The following PTPRK variants were observed in gnomAD, a reference collection of about 807,000 sequenced individuals.
PTPRK encodes receptor-type tyrosine-protein phosphatase kappa.
PTPRK carries 75 observed loss-of-function variants against 178.0 expected under a neutral mutation model. The ratio of observed to expected loss-of-function variants is 0.42; its 90% CI spans 0.35 to 0.51. The LOEUF is 0.51. Among genes scored for constraint, PTPRK ranks in the 20% least tolerant of loss-of-function variants. The pLI, the probability that PTPRK is intolerant of heterozygous loss-of-function variation, is 0.02. For missense variants in PTPRK, 1,441 were observed against 1,797.8 expected (o/e 0.80, Z 3.59); for synonymous variants, 637 against 620.6 (o/e 1.03, Z -0.39).
intron 13 of PTPRK, 29 bp downstream of exon 13, chr6:128,064,729 A>C: frequency 6.3e-7 from 1 of 1,580,660 alleles, no homozygotes; most frequent in Non-Finnish European, 8.5e-7. Flanking sequence ...GAGAGTAGTT[A>C]AAACAAGCAA....
chr6:128,083,946 C>A (rs569479851), intron 8 of PTPRK, 122 bp from the exon 9 acceptor site: 4 of 477,632 alleles, frequency 8.4e-6, no homozygotes, highest in African/African-American at 6.1e-5. Context: ...AAAAATGTGT[C>A]CTTAAAAACA....
At chr6:128,341,781 A>C (rs1325607734) in intron 2 of PTPRK, among the ~76,000 whole-genome samples, 2 of 152,250 alleles carry the variant, frequency 1.3e-5, no homozygotes, top group Non-Finnish European at 2.9e-5. Context: ...CAACTAGAAC[A>C]GCAACGTAGG....
At chr6:128,002,403 T>G (rs747584242) in intron 15 of PTPRK, among the ~76,000 whole-genome samples, 2 of 151,856 alleles carry the variant, frequency 1.3e-5, no homozygotes, top group Non-Finnish European at 2.9e-5. Context: ...GCTGGTAAAA[T>G]TGATATGGAA....
At chr6:128,220,631 G>A (rs547251796) in intron 5 of PTPRK, among the ~76,000 whole-genome samples, 2 of 152,148 alleles carry the variant, frequency 1.3e-5, no homozygotes, top group African/African-American at 4.8e-5. Context: ...CTCAGGACCC[G>A]GCAATTCTAC....
chr6:128,154,633 AT>A (rs1000389539), intron 7 of PTPRK, among the ~76,000 whole-genome samples: 1 of 151,562 alleles, frequency 6.6e-6, no homozygotes, highest in African/African-American at 2.4e-5. Context: ...CCAATGGGAG[AT>A]TTTTTTTAAT....
At chr6:128,388,409 G>C (rs1447827379) in intron 2 of PTPRK, among the ~76,000 whole-genome samples, 2 of 152,158 alleles carry the variant, frequency 1.3e-5, no homozygotes, top group Non-Finnish European at 2.9e-5. Flanking sequence ...CTGAGCCACT[G>C]AATGAGCCAA....
intron 7 of PTPRK, among the ~76,000 whole-genome samples, chr6:128,118,467 A>T (rs1312359028): frequency 6.6e-6 from 1 of 152,246 alleles, no homozygotes; most frequent in Non-Finnish European, 1.5e-5. Context: ...ATAAAACTAA[A>T]GAAGTTTTCC....
intron 29 of PTPRK, 46 bp downstream of exon 29, chr6:127,972,976 A>G: frequency 1.3e-6 from 2 of 1,582,586 alleles, no homozygotes; most frequent in Non-Finnish European, 1.7e-6. Flanking sequence ...GTATATGACT[A>G]ACTAATCTCT....
chr6:128,442,126 A>G (rs961361399), intron 1 of PTPRK, among the ~76,000 whole-genome samples: 36 of 152,212 alleles, frequency 2.4e-4, no homozygotes, highest in Non-Finnish European at 3.8e-4. Context: ...TTCTTTACAA[A>G]ATTCTGAATA....
intron 13 of PTPRK, among the ~76,000 whole-genome samples, chr6:128,017,875 G>C (rs1294165380): frequency 7.1e-6 from 1 of 140,730 alleles, no homozygotes; most frequent in Non-Finnish European, 1.5e-5. Context: ...ACCAGCCACT[G>C]TAAGTCCAGC....
intron 15 of PTPRK, among the ~76,000 whole-genome samples, chr6:128,002,874 C>T (rs1777998267): frequency 6.6e-6 from 1 of 151,880 alleles, no homozygotes; most frequent in African/African-American, 2.4e-5. Flanking sequence ...ATTCAGGCAA[C>T]ATTGCACCCT....
chr6:128,309,472 T>G (rs1826917985), intron 3 of PTPRK, among the ~76,000 whole-genome samples: 1 of 152,126 alleles, frequency 6.6e-6, no homozygotes, highest in Admixed American at 6.6e-5. Context: ...GCAGGAGTCC[T>G]GGTCTGCAAC....
chr6:128,500,464 T>A (rs956319424), intron 1 of PTPRK: 8 of 152,174 alleles, frequency 5.3e-5, no homozygotes, highest in Non-Finnish European at 1.0e-4. Context: ...TTGATTATGC[T>A]TAGCTAATTC....
At chr6:128,459,015 T>C (rs1462234301) in intron 1 of PTPRK, among the ~76,000 whole-genome samples, 1 of 152,112 alleles carries the variant, frequency 6.6e-6, no homozygotes, top group Non-Finnish European at 1.5e-5. Flanking sequence ...TCCTCATGGC[T>C]TGAAAATTGG....
At chr6:128,320,794 C>T (rs1828681958) in intron 3 of PTPRK, among the ~76,000 whole-genome samples, 1 of 152,240 alleles carries the variant, frequency 6.6e-6, no homozygotes, top group African/African-American at 2.4e-5. Context: ...TTCACACACT[C>T]CCATCCACCT....
At chr6:128,002,232 T>C (rs1777910159) in intron 15 of PTPRK, among the ~76,000 whole-genome samples, 1 of 151,798 alleles carries the variant, frequency 6.6e-6, no homozygotes, top group African/African-American at 2.4e-5. Context: ...CAATTGAACA[T>C]TGATTGTATG....
chr6:128,276,366 T>C (rs1475179736), intron 3 of PTPRK, among the ~76,000 whole-genome samples: 2 of 152,136 alleles, frequency 1.3e-5, no homozygotes, highest in African/African-American at 2.4e-5. Flanking sequence ...AGATGTTTTG[T>C]ATTTGTTTAT....
intron 1 of PTPRK, among the ~76,000 whole-genome samples, chr6:128,418,973 A>C (rs1177595490): frequency 1.3e-5 from 2 of 152,194 alleles, no homozygotes; most frequent in Non-Finnish European, 2.9e-5. Flanking sequence ...CAATATACTC[A>C]GTCACCTAAG....
intron 3 of PTPRK, among the ~76,000 whole-genome samples, chr6:128,307,700 T>C (rs866114861): frequency 4.2e-4 from 64 of 152,042 alleles, no homozygotes; most frequent in African/African-American, 1.5e-3. Flanking sequence ...TATCAGATAT[T>C]TGAAAACATG....
Sources: gnomAD v4.1 joint callset for allele counts (sites outside exome capture counted in the v4.1 genomes callset) on GRCh38, gnomAD v4.1.1 for gene constraint, MANE v1.5 for transcripts, NCBI Gene and HGNC (gene_info 2026-07-23, HGNC 2026-07-21) for gene names.